Variants in FCHO2 observed in about 807,000 individuals in gnomAD.
FCHO2 encodes the protein F-BAR domain only protein 2.
Under a neutral mutation model 114.1 loss-of-function variants are expected in FCHO2, and 43 were observed. The observed-to-expected ratio is 0.38, with a 90% CI of 0.30 to 0.49. FCHO2 has a LOEUF of 0.49. Among genes scored for constraint, FCHO2 ranks in the 20% least tolerant of loss-of-function variants. The probability of loss-of-function intolerance (pLI) is 0.97; values close to 1 mark genes in which losing one functional copy is unlikely to be tolerated. For synonymous variants in FCHO2, 293 were observed against 315.2 expected (o/e 0.93, Z 0.75); for missense variants, 807 against 950.4 (o/e 0.85, Z 1.98).
At chr5:73,026,148 G>A in intron 8 of FCHO2, among the ~76,000 whole-genome samples, 1 of 152,244 alleles carries the variant, frequency 6.6e-6, no homozygotes. Flanking sequence ...ATGACTGTTG[G>A]AATAATCCAG....
intron 24 of FCHO2, among the ~76,000 whole-genome samples, chr5:73,085,790 AAATAAATAAATAAAT>A (rs1408058981): frequency 2.6e-4 from 3 of 11,702 alleles, no homozygotes; most frequent in Non-Finnish European, 1.3e-3. Context: ...ATAAATAAAT[AAATAAATAAATAAAT>A]AAATAAATAA....
intron 5 of FCHO2, among the ~76,000 whole-genome samples, chr5:73,000,767 C>T (rs1028418109): frequency 7.6e-6 from 1 of 131,746 alleles, no homozygotes; most frequent in African/African-American, 3.2e-5. Context: ...AAGAGTGAAA[C>T]GCTGTCTCAA....
intron 17 of FCHO2, among the ~76,000 whole-genome samples, chr5:73,061,352 C>T (rs1757844618): frequency 6.6e-6 from 1 of 152,052 alleles, no homozygotes; most frequent in African/African-American, 2.4e-5. Context: ...TGCTCTTCTT[C>T]CGTGTATTGT....
intron 11 of FCHO2, among the ~76,000 whole-genome samples, chr5:73,047,326 C>T (rs1485094545): frequency 6.6e-6 from 1 of 152,060 alleles, no homozygotes; most frequent in African/African-American, 2.4e-5. Flanking sequence ...GTTCGTCTTT[C>T]CTGTGTCCTT....
At chr5:73,004,791 C>T (rs1368004815) in intron 5 of FCHO2, among the ~76,000 whole-genome samples, 1 of 151,904 alleles carries the variant, frequency 6.6e-6, no homozygotes, top group Non-Finnish European at 1.5e-5. Context: ...AGAGAGAGAC[C>T]GTATTCACAT....
At chr5:73,035,238 T>G (rs1177865565) in intron 9 of FCHO2, among the ~76,000 whole-genome samples, 1 of 152,016 alleles carries the variant, frequency 6.6e-6, no homozygotes, top group Non-Finnish European at 1.5e-5. Flanking sequence ...GGAAACATGT[T>G]GAGACCCCAT....
chr5:72,970,163 C>G, intron 2 of FCHO2, among the ~76,000 whole-genome samples: 1 of 152,210 alleles, frequency 6.6e-6, no homozygotes, highest in East Asian at 1.9e-4. Flanking sequence ...ATCTCAAGGG[C>G]TTCCCATTGC....
chr5:73,023,907 C>T (rs192586406), intron 8 of FCHO2, among the ~76,000 whole-genome samples: 1 of 152,250 alleles, frequency 6.6e-6, no homozygotes, highest in Admixed American at 6.5e-5. Flanking sequence ...TCAACCTACT[C>T]ATTTATTCTC....
intron 5 of FCHO2, chr5:72,996,846 G>C: frequency 9.8e-7 from 1 of 1,019,120 alleles, no homozygotes; most frequent in Non-Finnish European, 1.5e-6. Context: ...GCAACGGGGG[G>C]CTGGCGGAGC....
chr5:72,968,917 C>G (rs1336122032), intron 2 of FCHO2, among the ~76,000 whole-genome samples: 3 of 152,116 alleles, frequency 2.0e-5, no homozygotes, highest in Admixed American at 2.0e-4. Flanking sequence ...GTTAACCATG[C>G]TAAAATAATT....
chr5:73,077,543 T>A (rs753819198), intron 21 of FCHO2, 50 bp downstream of exon 21: 4 of 1,536,012 alleles, frequency 2.6e-6, no homozygotes, highest in Non-Finnish European at 3.5e-6. Flanking sequence ...TAAGATTTTC[T>A]TTCCTGCTGT....
intron 2 of FCHO2, among the ~76,000 whole-genome samples, chr5:72,985,900 T>C (rs1753496124): frequency 6.6e-6 from 1 of 152,204 alleles, no homozygotes; most frequent in Non-Finnish European, 1.5e-5. Flanking sequence ...CTGTGGTTAA[T>C]ATCTTTTATC....
chr5:72,997,702 G>C (rs913757030), intron 5 of FCHO2: 1 of 1,534,556 alleles, frequency 6.5e-7, no homozygotes, highest in African/African-American at 1.4e-5. Flanking sequence ...CGAGCCCTTG[G>C]GATACCGTTT....
chr5:72,986,508 C>A (rs1753530620), intron 2 of FCHO2, among the ~76,000 whole-genome samples: 1 of 152,178 alleles, frequency 6.6e-6, no homozygotes, highest in Non-Finnish European at 1.5e-5. Flanking sequence ...ACTGACTTGT[C>A]TGGATGCCCT....
At chr5:73,003,316 T>G (rs1401311226) in intron 5 of FCHO2, among the ~76,000 whole-genome samples, 1 of 152,092 alleles carries the variant, frequency 6.6e-6, no homozygotes, top group East Asian at 1.9e-4. Flanking sequence ...CCTGGCTTAT[T>G]TTTTAAAAAT....
At chr5:72,977,731 C>A (rs949349608) in intron 2 of FCHO2, among the ~76,000 whole-genome samples, 1 of 152,134 alleles carries the variant, frequency 6.6e-6, no homozygotes, top group Non-Finnish European at 1.5e-5. Context: ...AGGTTTTCTT[C>A]TAGGGTTTTT....
At chr5:73,027,105 C>T (rs2055056990) in intron 8 of FCHO2, among the ~76,000 whole-genome samples, 1 of 150,414 alleles carries the variant, frequency 6.6e-6, no homozygotes, top group South Asian at 2.1e-4. Context: ...TATTAAGGCA[C>T]CTGTGGTCTG....
At chr5:73,068,992 C>G (rs1683804931) in intron 19 of FCHO2, among the ~76,000 whole-genome samples, 1 of 152,040 alleles carries the variant, frequency 6.6e-6, no homozygotes, top group Non-Finnish European at 1.5e-5. Context: ...CTGTGGTTAG[C>G]ACCGTTAAGA....
intron 25 of FCHO2, 129 bp from the exon 26 acceptor site, chr5:73,087,939 T>A: frequency 7.1e-7 from 1 of 1,410,820 alleles, no homozygotes; most frequent in Non-Finnish European, 9.9e-7. Context: ...GCTGAACACC[T>A]GTTATCTGAT....
Sources: allele counts gnomAD v4.1 joint callset (sites outside exome capture counted in the v4.1 genomes callset), GRCh38; gene constraint gnomAD v4.1.1; transcripts MANE v1.5; gene names NCBI Gene and HGNC (gene_info 2026-07-23, HGNC 2026-07-21).